EPB41L4A: variants seen among roughly 807,000 people sequenced by gnomAD.
EPB41L4A encodes the protein erythrocyte membrane protein band 4.1 like 4A.
EPB41L4A carries 100 observed loss-of-function variants against 108.6 expected under a neutral mutation model. The observed-to-expected ratio is 0.92, with a 90% CI of 0.78 to 1.09. EPB41L4A has a LOEUF of 1.09. Among genes scored for constraint, EPB41L4A ranks in the 50% least tolerant of loss-of-function variants. The pLI is 0.00. For missense variants in EPB41L4A, 1,030 were observed against 842.7 expected (o/e 1.22, Z -2.75); for synonymous variants, 319 against 289.0 (o/e 1.10, Z -1.05).
chr5:112,394,523 C>A (rs1179729061), intron 1 of EPB41L4A, among the ~76,000 whole-genome samples: 1 of 152,116 alleles, frequency 6.6e-6, no homozygotes, highest in Non-Finnish European at 1.5e-5. Flanking sequence ...CCTAGGAATC[C>A]AACTTGCAAG....
chr5:112,417,507 A>G (rs1323896701), intron 1 of EPB41L4A, among the ~76,000 whole-genome samples: 1 of 152,172 alleles, frequency 6.6e-6, no homozygotes, highest in African/African-American at 2.4e-5. Context: ...ATTTTTGCCT[A>G]TTTTATTCAT....
chr5:112,237,899 G>A (rs1448101087), intron 11 of EPB41L4A, among the ~76,000 whole-genome samples: 1 of 152,138 alleles, frequency 6.6e-6, no homozygotes, highest in Non-Finnish European at 1.5e-5. Context: ...CACAAAATTG[G>A]AACAGATTTA....
At chr5:112,362,471 G>A (rs1018594033) in intron 1 of EPB41L4A, among the ~76,000 whole-genome samples, 2 of 151,878 alleles carry the variant, frequency 1.3e-5, no homozygotes, top group Admixed American at 1.3e-4. Flanking sequence ...AGTAGACACG[G>A]GATTTCACCA....
intron 9 of EPB41L4A, among the ~76,000 whole-genome samples, chr5:112,252,054 G>T (rs556362150): frequency 1.2e-3 from 14 of 11,604 alleles, no homozygotes; most frequent in African/African-American, 4.4e-3. Context: ...ATGAGTAAAT[G>T]TGTGGCTTTT....
intron 2 of EPB41L4A, among the ~76,000 whole-genome samples, chr5:112,283,342 C>G (rs543656261): frequency 6.6e-6 from 1 of 152,242 alleles, no homozygotes; most frequent in East Asian, 1.9e-4. Flanking sequence ...ACACAAGTCA[C>G]CAGGTTTCAG....
chr5:112,386,640 A>C (rs1228429509), intron 1 of EPB41L4A, among the ~76,000 whole-genome samples: 1 of 152,208 alleles, frequency 6.6e-6, no homozygotes, highest in African/African-American at 2.4e-5. Flanking sequence ...CTATAGAAGA[A>C]AGTTTTAAAT....
At position 112,151,273 on chromosome 5, in the gene EPB41L4A, A is replaced by C. The variant is rs56071484; in HGVS notation, n.995-5275T>G. ...ATTTGTGAGTTTAAAAATATACAAT[A>C]ATAGAATTAAAATACTGAACAATAG... is the stretch of plus-strand genomic sequence containing the variant. On this transcript the variant is annotated intron_variant and non_coding_transcript_variant, in intron 12 of 13. Coordinates refer to the EPB41L4A transcript ENST00000507810. 7.2e-3 allele frequency among the ~76,000 whole-genome samples: 1,089 copies of C among 151,986 alleles called. 7 individuals are homozygous for C. Among genetic ancestry groups the C allele is most frequent in the Admixed American group, 9.8e-3 (150 of 15,274 alleles).
chr5:112,209,351 T>G (rs1109590), intron 13 of EPB41L4A, among the ~76,000 whole-genome samples: 2 of 152,108 alleles, frequency 1.3e-5, no homozygotes, highest in African/African-American at 2.4e-5. Context: ...AAACAATCCA[T>G]GTAATATATT....
intron 1 of EPB41L4A, among the ~76,000 whole-genome samples, chr5:112,353,912 T>C (rs751554279): frequency 1.3e-5 from 2 of 152,102 alleles, no homozygotes; most frequent in Admixed American, 6.6e-5. Flanking sequence ...CACCAGGTAA[T>C]GCAGGCCTGT....
chr5:112,333,831 C>T (rs1434169850), intron 1 of EPB41L4A, among the ~76,000 whole-genome samples: 1 of 152,208 alleles, frequency 6.6e-6, no homozygotes, highest in Non-Finnish European at 1.5e-5. Context: ...ACACTTGATA[C>T]TGTTACCATC....
At chr5:112,144,836 C>A (rs1023411739) in intron 13 of EPB41L4A, among the ~76,000 whole-genome samples, 11 of 152,110 alleles carry the variant, frequency 7.2e-5, no homozygotes, top group Admixed American at 2.6e-4. Context: ...AATATGTAAT[C>A]TTGTGCCCAT....
intron 1 of EPB41L4A, among the ~76,000 whole-genome samples, chr5:112,386,566 A>G (rs1760543181): frequency 6.6e-6 from 1 of 152,226 alleles, no homozygotes; most frequent in Non-Finnish European, 1.5e-5. Flanking sequence ...TATTGGATGT[A>G]ACCGTCAGGC....
Position 112,164,686 on chromosome 5 carries a change from T to A in EPB41L4A, c.*304A>T. On this transcript the variant is annotated 3_prime_UTR_variant, in exon 23 of 23. Coordinates refer to ENST00000261486, the MANE Select transcript of EPB41L4A (RefSeq NM_022140.5). ...GTCTCTACTAAAAATACAAAAAGAA[T>A]TAGCCGGGTGTTGTGGTGCACGCCT... is the stretch of plus-strand genomic sequence containing the variant. 5.6e-6 allele frequency: 1 copy of A among 177,230 alleles called. No homozygotes were observed. Among genetic ancestry groups the A allele is most frequent in the Non-Finnish European group, 1.2e-5 (1 of 84,890 alleles). 11.0% of individuals were successfully genotyped at this position (177,230 alleles called of 1,614,324 possible). A position where few individuals can be genotyped will look rare whatever the true frequency, so the allele number is the denominator to read the frequency against.
At position 112,333,026 on chromosome 5, in the gene EPB41L4A, T is replaced by G. The variant is rs549154121; in HGVS notation, c.100-25536A>C. Reference sequence around the variant, plus strand: ...TTGATTTATAAGCATAAATTGCATTTAAGATATTATAGAGTTCCCAATGCC... The same window carrying G: ...TTGATTTATAAGCATAAATTGCATTGAAGATATTATAGAGTTCCCAATGCC... On this transcript the variant is annotated intron_variant, in intron 1 of 22. Transcript: ENST00000261486. 1.5e-3 allele frequency among the ~76,000 whole-genome samples: 233 copies of G among 152,334 alleles called. 5 individuals are homozygous for G. In the South Asian group the frequency reaches 0.046, roughly 30 times the overall value.
At chr5:112,368,583 T>G (rs79622424) in intron 1 of EPB41L4A, among the ~76,000 whole-genome samples, 2,003 of 152,222 alleles carry the variant, frequency 0.013, 50 homozygotes, top group African/African-American at 0.045. Context: ...GACGCCTCCT[T>G]TCCTTGAGCC....
chr5:112,410,802 A>G (rs1472287066), intron 1 of EPB41L4A, among the ~76,000 whole-genome samples: 1 of 152,184 alleles, frequency 6.6e-6, no homozygotes, highest in Non-Finnish European at 1.5e-5. Flanking sequence ...GGACTTCAGG[A>G]GAAAGCCTTT....
At chr5:112,409,898 G>A (rs940853655) in intron 1 of EPB41L4A, among the ~76,000 whole-genome samples, 5 of 152,178 alleles carry the variant, frequency 3.3e-5, no homozygotes, top group African/African-American at 1.2e-4. Flanking sequence ...ACCAACAGGA[G>A]GGAGACTCGA....
chr5:112,234,136 T>G (rs886899426), intron 12 of EPB41L4A, among the ~76,000 whole-genome samples: 2 of 150,900 alleles, frequency 1.3e-5, no homozygotes, highest in African/African-American at 4.9e-5. Flanking sequence ...CTGGGCAACA[T>G]AGTGAGACCC....
At chr5:112,170,902 C>T in intron 19 of EPB41L4A, 43 bp downstream of exon 19, 2 of 1,572,348 alleles carry the variant, frequency 1.3e-6, no homozygotes, top group Non-Finnish European at 1.7e-6. Flanking sequence ...TGCATTAAAA[C>T]TACATGGGTT....
Sources: allele counts gnomAD v4.1 joint callset (sites outside exome capture counted in the v4.1 genomes callset), GRCh38; gene constraint gnomAD v4.1.1; transcripts MANE v1.5; gene names NCBI Gene and HGNC (gene_info 2026-07-23, HGNC 2026-07-21).